PKHD1: variants seen among roughly 807,000 people sequenced by gnomAD.
PKHD1 encodes fibrocystin.
In PKHD1, 291 loss-of-function variants were observed where a neutral mutation model predicts 412.0. The ratio of observed to expected loss-of-function variants is 0.71; its 90% CI spans 0.64 to 0.78. The LOEUF is 0.78. Ranked by LOEUF, PKHD1 falls within the 30% of genes least tolerant of loss-of-function variation. The pLI, the probability that PKHD1 is intolerant of heterozygous loss-of-function variation, is 0.00. For missense variants in PKHD1, 4,825 were observed against 4,950.7 expected (o/e 0.97, Z 0.76); for synonymous variants, 1,777 against 1,821.5 (o/e 0.98, Z 0.62).
chr6:51,831,958 A>C (rs9474101), intron 51 of PKHD1, among the ~76,000 whole-genome samples: 67,344 of 151,908 alleles, frequency 0.44, 16,033 homozygotes, highest in Middle Eastern at 0.61. Flanking sequence ...GTTAGAAGGG[A>C]AGAGAGATTG....
chr6:51,845,341 C>T (rs555923400), intron 50 of PKHD1, among the ~76,000 whole-genome samples: 1 of 152,342 alleles, frequency 6.6e-6, no homozygotes, highest in South Asian at 2.1e-4. Flanking sequence ...AGTCCTCATA[C>T]CATCACTGTG....
intron 18 of PKHD1, 44 bp downstream of exon 18, chr6:52,056,654 G>T: frequency 7.7e-7 from 1 of 1,300,282 alleles, no homozygotes; most frequent in South Asian, 1.2e-5. Context: ...AAAGAAAGAA[G>T]ACCATGATGA....
chr6:51,801,639 T>TTG (rs140197286), intron 52 of PKHD1, among the ~76,000 whole-genome samples: 12 of 120,138 alleles, frequency 1.0e-4, no homozygotes, highest in African/African-American at 1.9e-4. Flanking sequence ...GCTGGCCTGA[T>TTG]TGTGTGTGTG....
intron 60 of PKHD1, among the ~76,000 whole-genome samples, chr6:51,715,746 G>T (rs1046460114): frequency 6.6e-6 from 1 of 152,180 alleles, no homozygotes; most frequent in Non-Finnish European, 1.5e-5. Context: ...ACACAGATTA[G>T]GGTGAGGAAT....
chr6:51,757,841 A>C (rs1787274133), intron 55 of PKHD1, among the ~76,000 whole-genome samples: 1 of 151,834 alleles, frequency 6.6e-6, no homozygotes, highest in African/African-American at 2.4e-5. Context: ...ATCTCTACAA[A>C]AGTGAAAAGA....
rs114788484 is a variant in PKHD1, at chr6:51,690,582, A to G, written c.10157-30613T>C. Among the ~76,000 whole-genome samples, 378 of 152,320 alleles carry G rather than the reference A, an allele frequency of 2.5e-3. 2 individuals carry two copies. Among genetic ancestry groups the G allele is most frequent in the African/African-American group, 8.4e-3 (350 of 41,580 alleles). ...CAATGCAGAAGGGATTCCCTATTCA[A>G]TAAATGGTTCTGGGAGAACTGGCTA... On this transcript the variant is annotated intron_variant, in intron 60 of 66. Coordinates refer to ENST00000371117, the MANE Select transcript of PKHD1 (RefSeq NM_138694.4).
chr6:51,817,611 C>A (rs6937910), intron 52 of PKHD1, among the ~76,000 whole-genome samples: 1 of 152,096 alleles, frequency 6.6e-6, no homozygotes, highest in South Asian at 2.1e-4. Context: ...ATCCAACACA[C>A]GTTCACCGAT....
At chr6:51,869,099 G>A (rs1321510) in intron 47 of PKHD1, among the ~76,000 whole-genome samples, 61,060 of 151,868 alleles carry the variant, frequency 0.4, 13,470 homozygotes, top group East Asian at 0.85. Flanking sequence ...GCAGTGAATT[G>A]ATTCATACAT....
At chr6:52,032,519 T>C (rs919648729) in intron 29 of PKHD1, among the ~76,000 whole-genome samples, 1 of 152,178 alleles carries the variant, frequency 6.6e-6, no homozygotes, top group Non-Finnish European at 1.5e-5. Flanking sequence ...TCATATTAAA[T>C]AACTGCTACA....
intron 53 of PKHD1, among the ~76,000 whole-genome samples, chr6:51,780,257 G>A (rs1047944194): frequency 1.3e-5 from 2 of 151,954 alleles, no homozygotes; most frequent in Non-Finnish European, 2.9e-5. Context: ...GTGGTGCGAC[G>A]CACCTGTAGT....
intron 44 of PKHD1, 113 bp downstream of exon 44, chr6:51,887,020 G>A: frequency 1.3e-6 from 1 of 756,282 alleles, no homozygotes; most frequent in Non-Finnish European, 2.4e-6. Flanking sequence ...AAAATGCACA[G>A]GAACATCACC....
chr6:51,894,154 C>T (rs1342397210), intron 43 of PKHD1, among the ~76,000 whole-genome samples: 1 of 152,160 alleles, frequency 6.6e-6, no homozygotes, highest in Non-Finnish European at 1.5e-5. Flanking sequence ...TCCTAGACTC[C>T]GGAGCTGGAG....
At chr6:51,676,423 T>C (rs567806371) in intron 60 of PKHD1, among the ~76,000 whole-genome samples, 1 of 152,258 alleles carries the variant, frequency 6.6e-6, no homozygotes, top group East Asian at 1.9e-4. Context: ...ACATTAATGA[T>C]TTTTTCCTTG....
In PKHD1 at chr6:51,649,216, TATTTCTGACAG is replaced by T. The variant is rs746333891; in HGVS notation, c.11175-7_11178del. ...AAGTTCCCAGTTTTAAAACTGCTTG[TATTTCTGACAG>T]ATATAAAAACAAACAAAATACATCC... is the stretch of plus-strand genomic sequence containing the variant. On this transcript the variant is annotated splice_acceptor_variant and splice_polypyrimidine_tract_variant and coding_sequence_variant and intron_variant, in exon 62 of 67. Transcript: ENST00000371117. LOFTEE classifies it high-confidence loss of function. 6.2e-7 allele frequency: 1 copy of T among 1,609,414 alleles called. No homozygotes were observed. Among genetic ancestry groups the T allele is most frequent in the East Asian group, 2.2e-5 (1 of 44,826 alleles).
chr6:52,005,095 A>G (rs998065071), intron 35 of PKHD1, among the ~76,000 whole-genome samples: 2 of 152,178 alleles, frequency 1.3e-5, no homozygotes, highest in African/African-American at 4.8e-5. Context: ...ATGGAACCCA[A>G]AAAGAGTTTT....
chr6:51,956,752 G>A (rs1791208267), intron 36 of PKHD1, among the ~76,000 whole-genome samples: 1 of 152,044 alleles, frequency 6.6e-6, no homozygotes. Context: ...AAGAGCAAAT[G>A]AAATAGGTGA....
At chr6:51,870,355 T>C (rs764247479) in intron 47 of PKHD1, 149 bp downstream of exon 47, 31 of 733,106 alleles carry the variant, frequency 4.2e-5, no homozygotes, top group Non-Finnish European at 6.5e-5. Context: ...ACCTCCAGGA[T>C]GTCTTTTAGG....
chr6:52,085,446 C>T (rs1018927860), intron 1 of PKHD1, among the ~76,000 whole-genome samples: 1 of 151,308 alleles, frequency 6.6e-6, no homozygotes, highest in African/African-American at 2.4e-5. Flanking sequence ...CTCAGACAAG[C>T]CTTCCACACA....
At chr6:51,866,529 A>G (rs975389144) in intron 48 of PKHD1, among the ~76,000 whole-genome samples, 7 of 152,160 alleles carry the variant, frequency 4.6e-5, no homozygotes, top group Non-Finnish European at 1.0e-4. Context: ...TTCAGGCACT[A>G]CAGAGCCTTC....
Sources: gnomAD v4.1 joint callset for allele counts (sites outside exome capture counted in the v4.1 genomes callset) on GRCh38, gnomAD v4.1.1 for gene constraint, MANE v1.5 for transcripts, NCBI Gene and HGNC (gene_info 2026-07-23, HGNC 2026-07-21) for gene names.